RGS7: variants seen among roughly 807,000 people sequenced by gnomAD.
RGS7 encodes the protein regulator of G protein signaling 7.
In RGS7, 27 loss-of-function variants were observed where a neutral mutation model predicts 81.1. The ratio of observed to expected loss-of-function variants is 0.33; its 90% CI spans 0.25 to 0.46. RGS7 has a LOEUF of 0.46. RGS7 is among the 20% of genes least tolerant of loss of function. RGS7 has a pLI of 1.00. For missense variants in RGS7, 396 were observed against 607.4 expected (o/e 0.65, Z 3.66); for synonymous variants, 208 against 207.7 (o/e 1.00, Z -0.01).
chr1:240,794,100 G>A (rs1366153465), intron 18 of RGS7, among the ~76,000 whole-genome samples: 1 of 152,030 alleles, frequency 6.6e-6, no homozygotes, highest in Non-Finnish European at 1.5e-5. Flanking sequence ...CCTATGATGA[G>A]TGTTTTGTGA....
At chr1:241,320,016 G>A (rs536712574) in intron 2 of RGS7, among the ~76,000 whole-genome samples, 78 of 152,206 alleles carry the variant, frequency 5.1e-4, no homozygotes, top group East Asian at 1.4e-3. Context: ...ACTTGAACCC[G>A]GGAGGCGGAG....
At chr1:241,300,579 T>C (rs1472477591) in intron 2 of RGS7, among the ~76,000 whole-genome samples, 1 of 152,260 alleles carries the variant, frequency 6.6e-6, no homozygotes, top group Non-Finnish European at 1.5e-5. Context: ...CTTCCACGTC[T>C]TTCCATAGCT....
At chr1:241,093,904 T>C (rs1397246321) in intron 3 of RGS7, among the ~76,000 whole-genome samples, 1 of 152,032 alleles carries the variant, frequency 6.6e-6, no homozygotes, top group Non-Finnish European at 1.5e-5. Flanking sequence ...CTAGGTATAA[T>C]TAGAAGAAAT....
At chr1:241,091,161 C>T (rs562764865) in intron 3 of RGS7, among the ~76,000 whole-genome samples, 32 of 152,136 alleles carry the variant, frequency 2.1e-4, no homozygotes, top group African/African-American at 7.7e-4. Context: ...AGGAATAAAA[C>T]GAATGTATTT....
At chr1:241,254,335 C>T (rs1472945921) in intron 2 of RGS7, among the ~76,000 whole-genome samples, 2 of 152,008 alleles carry the variant, frequency 1.3e-5, no homozygotes, top group African/African-American at 4.8e-5. Context: ...AAGAAATTTT[C>T]TTGAGCTGTG....
chr1:241,348,396 G>A (rs1459910388), intron 2 of RGS7, among the ~76,000 whole-genome samples: 1 of 152,210 alleles, frequency 6.6e-6, no homozygotes, highest in Admixed American at 6.5e-5. Context: ...AATCTATTTA[G>A]AGGGGTTGAC....
rs561769593 is a variant in RGS7, at chr1:240,913,134, C to A, written c.385+17583G>T. On this transcript the variant is annotated intron_variant, in intron 6 of 18. Coordinates refer to ENST00000440928, the MANE Select transcript of RGS7 (RefSeq NM_001364886.1). Reference sequence around the variant, plus strand: ...CATTTCTAGAGATTGAGATTATAAACCAGGGATACATCCCAAACATATTAA... The same window carrying A: ...CATTTCTAGAGATTGAGATTATAAAACAGGGATACATCCCAAACATATTAA... Among the ~76,000 whole-genome samples, 9 of 152,304 alleles carry A rather than the reference C, an allele frequency of 5.9e-5. No homozygotes were observed. In the East Asian group the frequency reaches 1.5e-3, roughly 26 times the overall value.
At chr1:240,816,444 AG>A (rs1690810742) in intron 10 of RGS7, 29 bp from the exon 11 acceptor site, 4 of 1,395,162 alleles carry the variant, frequency 2.9e-6, no homozygotes, top group Non-Finnish European at 4.1e-6. Context: ...TAAACATTTT[AG>A]GACAAAATAC....
At chr1:241,029,949 T>A (rs1402529148) in intron 3 of RGS7, among the ~76,000 whole-genome samples, 1 of 152,238 alleles carries the variant, frequency 6.6e-6, no homozygotes, top group African/African-American at 2.4e-5. Flanking sequence ...GAGGCACAGA[T>A]AACAGGCACC....
Position 241,180,610 on chromosome 1 carries a change from G to C in RGS7, c.79-81848C>G, listed in dbSNP as rs985150133. Among the ~76,000 whole-genome samples the C allele has an allele frequency of 2.6e-5, 4 of 152,298 alleles. No individual in the cohort carries two copies. In the East Asian group the frequency reaches 7.7e-4, roughly 29 times the overall value. Reference sequence around the variant, plus strand: ...TAGAGAACAGCTTCCATGTGGGACAGTGTTTCCAAACAGAGAATACATTTT... The same window carrying C: ...TAGAGAACAGCTTCCATGTGGGACACTGTTTCCAAACAGAGAATACATTTT... On this transcript the variant is annotated intron_variant, in intron 2 of 18. Transcript: ENST00000440928.
intron 2 of RGS7, among the ~76,000 whole-genome samples, chr1:241,273,157 TA>T: frequency 7.1e-6 from 1 of 140,270 alleles, no homozygotes; most frequent in Non-Finnish European, 1.5e-5. Context: ...TATTACAGAC[TA>T]AAGTAAATAA....
intron 5 of RGS7, among the ~76,000 whole-genome samples, chr1:240,932,978 G>A (rs551797442): frequency 4.2e-5 from 6 of 144,058 alleles, no homozygotes; most frequent in Non-Finnish European, 9.0e-5. Flanking sequence ...CCGCCTCCCG[G>A]GTTCACGCCA....
In RGS7 at chr1:241,338,741, ATATAT is replaced by A. The variant is rs1254728784; in HGVS notation, c.78+16953_78+16957del. ...ATATACAAATATATGTTTATATCTT[ATATAT>A]TAAATATATATATGTATACTGGAAA... On this transcript the variant is annotated intron_variant, in intron 2 of 18. Transcript: ENST00000440928. Among the ~76,000 whole-genome samples the A allele has an allele frequency of 1.3e-4, 20 of 149,680 alleles. 1 individual carries two copies. Among genetic ancestry groups the A allele is most frequent in the Middle Eastern group, 3.6e-3 (1 of 280 alleles).
intron 10 of RGS7, 143 bp downstream of exon 10, chr1:240,826,955 A>G (rs1268622418): frequency 1.3e-6 from 1 of 740,864 alleles, no homozygotes; most frequent in African/African-American, 1.7e-5. Context: ...GGGTGGGGCT[A>G]TTCTTGAGGA....
In RGS7 at chr1:241,264,420, C is replaced by T. The variant is rs191644979; in HGVS notation, c.78+91279G>A. ...GCTGAAACAGGAGGATCACTTGAAC[C>T]TGGGAGGCGGAGGTTGCAGTGAGCT... On this transcript the variant is annotated intron_variant, in intron 2 of 18. Transcript: ENST00000440928. Among the ~76,000 whole-genome samples, 160 of 152,184 alleles carry T rather than the reference C, an allele frequency of 1.1e-3. 1 individual carries two copies. The highest frequency in any genetic ancestry group is 3.4e-3 in the Middle Eastern group (1 of 294).
At chr1:241,237,386 A>G (rs982365554) in intron 2 of RGS7, among the ~76,000 whole-genome samples, 3 of 152,182 alleles carry the variant, frequency 2.0e-5, no homozygotes, top group African/African-American at 7.2e-5. Context: ...CTGGCTGAGG[A>G]CTTTGTGCAC....
chr1:241,226,107 A>C (rs1268209264), intron 2 of RGS7, among the ~76,000 whole-genome samples: 1 of 152,204 alleles, frequency 6.6e-6, no homozygotes, highest in African/African-American at 2.4e-5. Flanking sequence ...AGAGCACCCA[A>C]GTTCATAAAA....
At chr1:241,281,496 A>G (rs772372535) in intron 2 of RGS7, among the ~76,000 whole-genome samples, 13 of 152,210 alleles carry the variant, frequency 8.5e-5, no homozygotes, top group Non-Finnish European at 1.8e-4. Context: ...ACGCTGAATA[A>G]CACCATGGGA....
At chr1:240,889,730 C>T (rs1428353380) in intron 6 of RGS7, among the ~76,000 whole-genome samples, 3 of 152,100 alleles carry the variant, frequency 2.0e-5, no homozygotes, top group Non-Finnish European at 4.4e-5. Context: ...TCCAAATCAG[C>T]CCACTTGGTT....
Sources: gnomAD v4.1 joint callset for allele counts (sites outside exome capture counted in the v4.1 genomes callset) on GRCh38, gnomAD v4.1.1 for gene constraint, MANE v1.5 for transcripts, NCBI Gene and HGNC (gene_info 2026-07-23, HGNC 2026-07-21) for gene names.